Variants in TRAPPC9 observed in about 807,000 individuals in gnomAD.
TRAPPC9 encodes the protein IKK2 binding protein.
In TRAPPC9, 83 loss-of-function variants were observed where a neutral mutation model predicts 124.0. That is an observed-to-expected ratio of 0.67 (90% CI 0.56 to 0.80). TRAPPC9 has a LOEUF of 0.80. Ranked by LOEUF, TRAPPC9 falls within the 30% of genes least tolerant of loss-of-function variation. TRAPPC9 has a pLI of 0.00. For missense variants in TRAPPC9, 1,302 were observed against 1,508.3 expected, an observed-to-expected ratio of 0.86 and a Z score of 2.27; for synonymous variants, 638 against 617.5, an observed-to-expected ratio of 1.03 and a Z score of -0.49.
chr8:139,975,812 C>G (rs1166509478), intron 19 of TRAPPC9, among the ~76,000 whole-genome samples: 2 of 152,040 alleles, frequency 1.3e-5, no homozygotes, highest in Non-Finnish European at 2.9e-5. Context: ...CATCCACTGA[C>G]ATCCCCATCA....
chr8:140,058,950 TTGC>T (rs1842436761), intron 17 of TRAPPC9, among the ~76,000 whole-genome samples: 1 of 152,234 alleles, frequency 6.6e-6, no homozygotes, highest in Non-Finnish European at 1.5e-5. Flanking sequence ...TTCTGCGTTG[TTGC>T]TGCTGCTGTT....
intron 19 of TRAPPC9, among the ~76,000 whole-genome samples, chr8:139,973,304 G>T (rs1212530010): frequency 6.6e-6 from 1 of 152,196 alleles, no homozygotes; most frequent in Non-Finnish European, 1.5e-5. Flanking sequence ...GTGGCCACGG[G>T]CCAGCGCCCC....
intron 16 of TRAPPC9, among the ~76,000 whole-genome samples, chr8:140,236,077 TCC>T (rs2063722859): frequency 7.0e-6 from 1 of 142,542 alleles, no homozygotes; most frequent in Non-Finnish European, 1.5e-5. Flanking sequence ...ACACTGTATT[TCC>T]TTTTTTTTTT....
At chr8:140,173,679 C>T (rs997776154) in intron 17 of TRAPPC9, among the ~76,000 whole-genome samples, 1 of 152,156 alleles carries the variant, frequency 6.6e-6, no homozygotes, top group South Asian at 2.1e-4. Context: ...AGGGGACTCG[C>T]TTGCCCCATG....
At chr8:140,407,389 G>A (rs2069531091) in intron 5 of TRAPPC9, among the ~76,000 whole-genome samples, 1 of 142,932 alleles carries the variant, frequency 7.0e-6, no homozygotes, top group Non-Finnish European at 1.5e-5. Context: ...ACATTGTTGA[G>A]TTTTACTCTC....
At chr8:140,158,365 G>T (rs566423585) in intron 17 of TRAPPC9, among the ~76,000 whole-genome samples, 1 of 152,202 alleles carries the variant, frequency 6.6e-6, no homozygotes, top group Non-Finnish European at 1.5e-5. Context: ...GAATGTCAGA[G>T]GAAACTGAAT....
At chr8:140,195,396 A>C (rs1460559836) in intron 17 of TRAPPC9, among the ~76,000 whole-genome samples, 4 of 152,024 alleles carry the variant, frequency 2.6e-5, no homozygotes, top group Non-Finnish European at 4.4e-5. Context: ...ACACTCAATG[A>C]TCCATTGTAC....
In TRAPPC9 at chr8:139,938,643, AT is replaced by A. The variant is rs943236445; in HGVS notation, c.2811-28344del. On this transcript the variant is annotated intron_variant, in intron 19 of 22. Transcript: ENST00000438773. ...AGACACACAGAGCTATACCCGATTA[AT>A]TTTTTTTTTTTTGAGACGGAGTCTC... 1.5e-3 allele frequency among the ~76,000 whole-genome samples: 215 copies of A among 138,762 alleles called. 2 individuals are homozygous for A. The East Asian group carries it at 0.018, about 12-fold the overall frequency. 91.0% of individuals were successfully genotyped at this position (138,762 alleles called of 152,430 possible).
intron 21 of TRAPPC9, among the ~76,000 whole-genome samples, chr8:139,871,392 C>T (rs933356547): frequency 1.4e-4 from 22 of 152,200 alleles, no homozygotes; most frequent in African/African-American, 5.3e-4. Flanking sequence ...GACAGCTGCA[C>T]TCACATCACC....
Position 140,456,717 on chromosome 8 carries a change from C to CTA in TRAPPC9, c.-11+920_-11+921dup, listed in dbSNP as rs1292877576. The CTA allele has an allele frequency of 4.9e-6, 4 of 814,950 alleles. No individual in the cohort carries two copies. In the African/African-American group the frequency reaches 7.4e-5, roughly 15 times the overall value. 50.5% of individuals were successfully genotyped at this position (814,950 alleles called of 1,614,324 possible). On this transcript the variant is annotated intron_variant, in intron 1 of 22. Coordinates refer to ENST00000438773, the MANE Select transcript of TRAPPC9 (RefSeq NM_001160372.4). ...TAACAAATAAAGATGTCATAGGTAG[C>CTA]TATGACTACCTTAGAAACACGGGAC...
chr8:139,837,920 C>A (rs59136245), intron 21 of TRAPPC9, among the ~76,000 whole-genome samples: 1 of 152,172 alleles, frequency 6.6e-6, no homozygotes, highest in African/African-American at 2.4e-5. Flanking sequence ...ACACTGTCTT[C>A]TCACAGCTCG....
intron 21 of TRAPPC9, among the ~76,000 whole-genome samples, chr8:139,853,724 G>T (rs1827636628): frequency 6.6e-6 from 1 of 152,164 alleles, no homozygotes; most frequent in Non-Finnish European, 1.5e-5. Flanking sequence ...GGCAGGCTGG[G>T]GGCAGTGGAC....
chr8:140,124,925 T>C (rs1455261065), intron 17 of TRAPPC9, among the ~76,000 whole-genome samples: 1 of 152,212 alleles, frequency 6.6e-6, no homozygotes, highest in Non-Finnish European at 1.5e-5. Context: ...GACCTTTGGG[T>C]TTCAATGTTG....
intron 19 of TRAPPC9, among the ~76,000 whole-genome samples, chr8:139,975,498 G>C (rs1587387324): frequency 6.6e-6 from 1 of 152,186 alleles, no homozygotes; most frequent in African/African-American, 2.4e-5. Context: ...CTGTGAAGTG[G>C]TCATTTATGC....
chr8:139,778,581 T>C (rs1368748027), intron 21 of TRAPPC9, among the ~76,000 whole-genome samples: 1 of 152,130 alleles, frequency 6.6e-6, no homozygotes, highest in Non-Finnish European at 1.5e-5. Context: ...ACATAGAAGA[T>C]ACAAAAATGA....
intron 17 of TRAPPC9, among the ~76,000 whole-genome samples, chr8:140,085,547 G>A (rs1844133191): frequency 1.3e-5 from 2 of 152,184 alleles, no homozygotes; most frequent in Admixed American, 6.5e-5. Context: ...CAGGCAGCCC[G>A]GCCTAAGCTC....
chr8:140,451,150 C>T lies in TRAPPC9; in HGVS notation c.224G>A (p.Arg75His), dbSNP rs757282308. The T allele has an allele frequency of 1.9e-6, 3 of 1,613,966 alleles. No individual in the cohort carries two copies. Among genetic ancestry groups the T allele is most frequent in the African/African-American group, 1.3e-5 (1 of 74,980 alleles). ...GATGGTGATGAGGCCCACGACTTTGCGGTGGGTCTGGAAGTCACCCCACTC... is the reference window on the plus strand; with the variant it reads ...GATGGTGATGAGGCCCACGACTTTGTGGTGGGTCTGGAAGTCACCCCACTC... ...NNEWGDFQTHRKVVGLITITD... is the reference protein window; with the variant it reads ...NNEWGDFQTHHKVVGLITITD... The change falls in exon 2 of 23, where the codon CGC (arginine) becomes CAC (histidine). Residue 75 changes from arginine to histidine, a missense_variant. Arg to His is a conservative substitution (Grantham distance 29). Around this residue, in one of 3 missense-constraint regions of TRAPPC9, gnomAD observed 657 missense variants for 811.2 expected, o/e 0.81. Coordinates refer to ENST00000438773, the MANE Select transcript of TRAPPC9 (RefSeq NM_001160372.4).
chr8:140,362,553 A>T (rs1419069806), intron 8 of TRAPPC9, among the ~76,000 whole-genome samples: 22 of 152,216 alleles, frequency 1.4e-4, no homozygotes, highest in Admixed American at 1.4e-3. Context: ...AAAATAAAAA[A>T]AACACTACTT....
At chr8:140,299,374 C>A (rs1487739550) in intron 11 of TRAPPC9, among the ~76,000 whole-genome samples, 1 of 152,200 alleles carries the variant, frequency 6.6e-6, no homozygotes, top group Admixed American at 6.5e-5. Context: ...AACAGGAAGC[C>A]TCTGTCCTGG....
Sources: gnomAD v4.1 joint callset for allele counts (sites outside exome capture counted in the v4.1 genomes callset) on GRCh38, gnomAD v4.1.1 for gene constraint, gnomAD v4.1.1 regional missense constraint, MANE v1.5 for transcripts, NCBI Gene and HGNC (gene_info 2026-07-23, HGNC 2026-07-21) for gene names.